FOXP4: variants seen among roughly 807,000 people sequenced by gnomAD.
The protein encoded by FOXP4 is forkhead box P4.
FOXP4 carries 25 observed loss-of-function variants against 82.6 expected under a neutral mutation model. That is an observed-to-expected ratio of 0.30 (90% CI 0.22 to 0.42). The LOEUF (loss-of-function observed/expected upper bound fraction) is 0.42. FOXP4 is among the 10% of genes least tolerant of loss of function. The pLI, the probability that FOXP4 is intolerant of heterozygous loss-of-function variation, is 1.00. For missense variants in FOXP4, 785 were observed against 900.9 expected (o/e 0.87, Z 1.65); for synonymous variants, 415 against 388.2 (o/e 1.07, Z -0.81).
rs141215657 is a variant in FOXP4, at chr6:41,593,655, G to T, written c.1537-1215G>T. 3.7e-4 allele frequency among the ~76,000 whole-genome samples: 57 copies of T among 152,330 alleles called. 1 individual carries two copies. The highest frequency in any genetic ancestry group is 3.4e-3 in the Middle Eastern group (1 of 294). On this transcript the variant is annotated intron_variant, in intron 13 of 16. Transcript: ENST00000307972. This position sits in a 1 kb window ranked among gnomAD's most constrained non-coding sequence, Gnocchi z 4.1. Reference sequence around the variant, plus strand: ...TTTATTCCGAGGCAGGAGCCCCGGCGTGATTAGGCCCTTTGTAATTATCGC... The same window carrying T: ...TTTATTCCGAGGCAGGAGCCCCGGCTTGATTAGGCCCTTTGTAATTATCGC...
rs1328838090 is a variant in FOXP4, at chr6:41,590,338, C to T, written c.1425C>T (p.Leu475=). 5 of 1,613,776 alleles carry T rather than the reference C, an allele frequency of 3.1e-6. No homozygotes were observed. Among genetic ancestry groups the T allele is most frequent in the Non-Finnish European group, 3.4e-6 (4 of 1,179,986 alleles). Residue 475 remains leucine, a synonymous_variant, in exon 12 of 17, where the codon CTC becomes CTT. Coordinates refer to ENST00000307972, the MANE Select transcript of FOXP4 (RefSeq NM_001012426.2). ...GGCCCCCCTTCACCTACGCCTCCCT[C>T]ATCCGCCAGGTGAGCAGGGCAGGTA... The part of the protein sequence containing the change: ...DVRPPFTYAS[L]IRQAILETPD...
At position 41,585,441 on chromosome 6, in the gene FOXP4, A is replaced by G; in HGVS notation, c.434A>G (p.Tyr145Cys). The G allele has an allele frequency of 6.2e-7, 1 of 1,613,784 alleles. No individual in the cohort carries two copies. Among genetic ancestry groups the G allele is most frequent in the Non-Finnish European group, 8.5e-7 (1 of 1,179,846 alleles). ...CCTCCACCCCCCCAGCTACAGGAGTACTACAAGAAGCAGCAGGAGCAGCTC... is the reference window on the plus strand; with the variant it reads ...CCTCCACCCCCCCAGCTACAGGAGTGCTACAAGAAGCAGCAGGAGCAGCTC... ...QALMLQQLQEYYKKQQEQLHL... is the reference protein window; with the variant it reads ...QALMLQQLQECYKKQQEQLHL... The change falls in exon 5 of 17, where the codon TAC (tyrosine) becomes TGC (cysteine). Residue 145 changes from tyrosine (Y) to cysteine (C), a missense_variant. Around this residue, in one of 3 missense-constraint regions of FOXP4, gnomAD observed 570 missense variants for 634.0 expected, o/e 0.90. Transcript: ENST00000307972.
At chr6:41,590,687 A>G (rs568277289) in intron 12 of FOXP4, among the ~76,000 whole-genome samples, 62 of 152,190 alleles carry the variant, frequency 4.1e-4, no homozygotes, top group African/African-American at 1.4e-3. Context: ...CCTCAAGCCC[A>G]TGATCTTCAT....
At position 41,601,243 on chromosome 6, in the gene FOXP4, A is replaced by G. The variant is rs907867769; in HGVS notation, c.*2307A>G. On this transcript the variant is annotated 3_prime_UTR_variant, in exon 17 of 17. Coordinates refer to ENST00000307972, the MANE Select transcript of FOXP4 (RefSeq NM_001012426.2). ...CTCACGGCGGAAACGGGATCATTCA[A>G]CCTATACAAAGGGGACCCTGGATAG... is the stretch of plus-strand genomic sequence containing the variant. The G allele has an allele frequency of 1.6e-4, 21 of 128,322 alleles. No homozygotes were observed. The highest frequency in any genetic ancestry group is 3.2e-4 in the African/African-American group (12 of 37,028). The allele number at this position is 128,322 out of a possible 1,614,324, so 7.9% of individuals were successfully genotyped here.
At chr6:41,557,780 A>AT (rs369255515) in intron 1 of FOXP4, among the ~76,000 whole-genome samples, 29 of 151,200 alleles carry the variant, frequency 1.9e-4, no homozygotes, top group Middle Eastern at 3.4e-3. Flanking sequence ...TGAGTACTCT[A>AT]TTTTTTTTTC....
At chr6:41,592,504 A>G (rs564567673) in intron 13 of FOXP4, among the ~76,000 whole-genome samples, 28 of 152,352 alleles carry the variant, frequency 1.8e-4, no homozygotes, top group Middle Eastern at 3.4e-3. Flanking sequence ...CACCTGGTCC[A>G]GTCTCCAACC....
chr6:41,595,581 A>G (rs977961058), intron 14 of FOXP4, among the ~76,000 whole-genome samples: 2 of 151,818 alleles, frequency 1.3e-5, no homozygotes, highest in South Asian at 4.2e-4. Context: ...TTTATTTATT[A>G]TTTTTTTAAT....
chr6:41,594,938 G>A lies in FOXP4; in HGVS notation c.1605G>A (p.Val535=), dbSNP rs142039008. 3.1e-6 allele frequency: 5 copies of A among 1,614,100 alleles called. No individual in the cohort carries two copies. In the South Asian group the frequency reaches 5.5e-5, roughly 18 times the overall value. The change falls in exon 14 of 17, where the codon GTG becomes GTA. Residue 535 remains valine (V), a synonymous_variant. Transcript: ENST00000307972. ...GCGTGGAGAACGTCAAGGGTGCCGT[G>A]TGGACTGTGGACGAGCGGGAGTATC... is the stretch of plus-strand genomic sequence containing the variant. ...FVRVENVKGA[V]WTVDEREYQK... is the part of the protein sequence containing the mutation.
At chr6:41,580,657 C>G (rs762017478) in intron 3 of FOXP4, among the ~76,000 whole-genome samples, 1 of 152,184 alleles carries the variant, frequency 6.6e-6, no homozygotes, top group Non-Finnish European at 1.5e-5. Flanking sequence ...GATCCTTGTC[C>G]TGAAGTAGGG....
chr6:41,596,042 C>T lies in FOXP4; in HGVS notation c.1658+1051C>T, dbSNP rs146077454. Among the ~76,000 whole-genome samples, 783 of 152,258 alleles carry T rather than the reference C, an allele frequency of 5.1e-3. 6 individuals are homozygous for T. Among genetic ancestry groups the T allele is most frequent in the African/African-American group, 0.018 (746 of 41,520 alleles). On this transcript the variant is annotated intron_variant, in intron 14 of 16. Coordinates refer to ENST00000307972, the MANE Select transcript of FOXP4 (RefSeq NM_001012426.2). ...CCTCCCGAGAAGCTGAAATTACAGG[C>T]GCCCACCACCACACCCAGCTAATTA...
chr6:41,597,382 C>G, intron 15 of FOXP4, 140 bp downstream of exon 15: 1 of 834,214 alleles, frequency 1.2e-6, no homozygotes, highest in South Asian at 1.7e-5. Context: ...GAGACCCCAC[C>G]TCTCTGCCCC....
chr6:41,551,766 T>A (rs1764010583), intron 1 of FOXP4, among the ~76,000 whole-genome samples: 1 of 152,152 alleles, frequency 6.6e-6, no homozygotes, highest in South Asian at 2.1e-4. Flanking sequence ...GGCAAAATGA[T>A]GGCGACTTGA....
At chr6:41,565,702 C>T in intron 1 of FOXP4, 43 bp from the exon 2 acceptor site, 1 of 1,525,228 alleles carries the variant, frequency 6.6e-7, no homozygotes, top group Non-Finnish European at 8.9e-7. Context: ...CCCTTTCAGC[C>T]TTCAGCCTCA....
chr6:41,587,229 C>T, intron 6 of FOXP4, 70 bp from the exon 7 acceptor site: 2 of 1,608,780 alleles, frequency 1.2e-6, no homozygotes, highest in Admixed American at 1.7e-5. Context: ...CTGGCAGCCC[C>T]TGTTCTTGGG....
chr6:41,580,836 T>C (rs1006410615), intron 3 of FOXP4, among the ~76,000 whole-genome samples: 2 of 152,164 alleles, frequency 1.3e-5, no homozygotes, highest in African/African-American at 4.8e-5. Flanking sequence ...CACAGAACGC[T>C]GCTCTGCTCC....
In FOXP4 at chr6:41,597,917, G is replaced by A; in HGVS notation, c.1862G>A (p.Ser621Asn). ...GAGCCGCTGCCCAGCAACGGCAGCA[G>A]CAGCCCTCCTCGCCTCTCCCCGCCC... ...PVEPLPSNGS[S>N]SPPRLSPPQY... Residue 621 changes from serine to asparagine, a missense_variant, in exon 16 of 17, where the codon AGC becomes AAC. Ser to Asn is a conservative substitution (Grantham distance 46). This residue lies in a region of FOXP4 where 184 missense variants were observed against 187.3 expected (regional missense o/e 0.98). Coordinates refer to ENST00000307972, the MANE Select transcript of FOXP4 (RefSeq NM_001012426.2). 1 of 1,575,974 alleles carries A rather than the reference G, an allele frequency of 6.3e-7. No individual in the cohort carries two copies. Among genetic ancestry groups the A allele is most frequent in the Non-Finnish European group, 8.6e-7 (1 of 1,167,526 alleles).
Position 41,590,063 on chromosome 6 carries a change from C to T in FOXP4, c.1250C>T (p.Ala417Val). ...GLVHPPTSAAAPVTPLRPPGL... is the reference protein window; with the variant it reads ...GLVHPPTSAAVPVTPLRPPGL... ...GTGCACCCCCCGACCTCGGCCGCAG[C>T]CCCTGTCACCCCTCTACGGCCCCCT... The change falls in exon 11 of 17, where the codon GCC becomes GTC. Residue 417 changes from alanine to valine, a missense_variant. Physicochemically the swap from Ala to Val is moderately conservative, Grantham distance 64. Transcript: ENST00000307972. 1 of 1,613,884 alleles carries T rather than the reference C, an allele frequency of 6.2e-7. No homozygotes were observed. Among genetic ancestry groups the T allele is most frequent in the Non-Finnish European group, 8.5e-7 (1 of 1,179,966 alleles).
intron 1 of FOXP4, among the ~76,000 whole-genome samples, chr6:41,548,858 C>G (rs1448682162): frequency 8.0e-6 from 1 of 125,390 alleles, no homozygotes; most frequent in East Asian, 2.4e-4. Context: ...ACTTGAGAAA[C>G]TTTTGCCTCG....
intron 2 of FOXP4, among the ~76,000 whole-genome samples, chr6:41,571,234 G>T (rs1195299797): frequency 6.6e-6 from 1 of 152,210 alleles, no homozygotes; most frequent in African/African-American, 2.4e-5. Flanking sequence ...TCCCCCTCAT[G>T]ACACCCTGCA....
Sources: gnomAD v4.1 joint callset for allele counts (sites outside exome capture counted in the v4.1 genomes callset) on GRCh38, gnomAD v4.1.1 for gene constraint, gnomAD v4.1.1 regional missense constraint, Gnocchi (gnomAD v3.1) non-coding constraint, MANE v1.5 for transcripts, NCBI Gene and HGNC (gene_info 2026-07-23, HGNC 2026-07-21) for gene names.